SLC28A2: variants seen among roughly 807,000 people sequenced by gnomAD.
SLC28A2 encodes the protein solute carrier family 28 member 2, also known as sodium/nucleoside cotransporter 2.
A neutral mutation model predicts 72.9 loss-of-function variants in SLC28A2; 69 were observed. That is an observed-to-expected ratio of 0.95 (90% CI 0.78 to 1.16). The LOEUF (loss-of-function observed/expected upper bound fraction) is 1.16. SLC28A2 is among the 50% of genes most tolerant of loss of function. The pLI is 0.00. For missense variants in SLC28A2, 745 were observed against 791.1 expected, an observed-to-expected ratio of 0.94 and a Z score of 0.70; for synonymous variants, 296 against 294.1, an observed-to-expected ratio of 1.01 and a Z score of -0.07.
intron 17 of SLC28A2, among the ~76,000 whole-genome samples, chr15:45,273,611 T>TC (rs1900658362): frequency 6.6e-6 from 1 of 152,184 alleles, no homozygotes; most frequent in East Asian, 1.9e-4. Context: ...ACTGGCATGA[T>TC]CAACTATGCT....
chr15:45,258,160 T>C (rs1900032190), intron 3 of SLC28A2, among the ~76,000 whole-genome samples: 1 of 152,070 alleles, frequency 6.6e-6, no homozygotes, highest in East Asian at 1.9e-4. Context: ...GAGGCGGAGG[T>C]TGCAATGAGC....
chr15:45,254,028 A>G (rs1486805594), intron 3 of SLC28A2: 2 of 154,000 alleles, frequency 1.3e-5, no homozygotes, highest in Non-Finnish European at 2.9e-5. Flanking sequence ...AAGAATGAAG[A>G]AGGTACAGTC....
intron 14 of SLC28A2, among the ~76,000 whole-genome samples, 172 bp from the exon 15 acceptor site, chr15:45,270,023 C>T (rs1900496937): frequency 6.6e-6 from 1 of 152,202 alleles, no homozygotes; most frequent in South Asian, 2.1e-4. Context: ...GTTTCCATGT[C>T]ATTATCCCTA....
rs774505214 is a variant in SLC28A2 at position 45,267,526 on chromosome 15, T to C, written c.1014T>C (p.Thr338=). 6.2e-7 allele frequency: 1 copy of C among 1,614,142 alleles called. No homozygotes were observed. The highest frequency in any genetic ancestry group is 1.1e-5 in the South Asian group (1 of 91,090). Residue 338 remains threonine, a synonymous_variant, in exon 11 of 18, where the codon ACT becomes ACC. Coordinates refer to ENST00000347644, the MANE Select transcript of SLC28A2 (RefSeq NM_004212.4). ...TCTCTGAAATCCATGCGGTGATGAC[T>C]GGAGGGTTTGCCACCATTTCTGGCA... The part of the protein sequence containing the change: ...MTLSEIHAVM[T]GGFATISGTV...
intron 17 of SLC28A2, 50 bp from the exon 18 acceptor site, chr15:45,275,346 G>A: frequency 2.8e-6 from 3 of 1,068,852 alleles, no homozygotes; most frequent in Middle Eastern, 4.1e-4. Flanking sequence ...ATGTTTTGTT[G>A]CTTTGTTCCT....
At chr15:45,265,250 A>G in intron 8 of SLC28A2, 84 bp downstream of exon 8, 2 of 977,008 alleles carry the variant, frequency 2.0e-6, no homozygotes, top group Non-Finnish European at 3.3e-6. Flanking sequence ...TGTCCAAGAG[A>G]TCAGCGCCCC....
chr15:45,260,724 A>G (rs1282299463), intron 3 of SLC28A2, among the ~76,000 whole-genome samples: 1 of 152,116 alleles, frequency 6.6e-6, no homozygotes, highest in East Asian at 1.9e-4. Flanking sequence ...ATCATGCCAT[A>G]CCACTGCACT....
chr15:45,263,894 G>A lies in SLC28A2; in HGVS notation c.460G>A (p.Val154Ile), dbSNP rs368625329. 5 of 1,609,736 alleles carry A rather than the reference G, an allele frequency of 3.1e-6. No homozygotes were observed. Among genetic ancestry groups the A allele is most frequent in the Non-Finnish European group, 4.2e-6 (5 of 1,177,896 alleles). ...TTCCTTCTTCAGGGTGTTTGCAGGA[G>A]TCTCCTTGGTTGGCCTTATACTGTG... is the stretch of plus-strand genomic sequence containing the variant. ...RLWTKWVFAG[V>I]SLVGLILWLA... The change falls in exon 6 of 18, where the codon GTC becomes ATC. Residue 154 changes from valine to isoleucine, a missense_variant. Val to Ile is a conservative substitution (Grantham distance 29, BLOSUM62 3). Coordinates refer to ENST00000347644, the MANE Select transcript of SLC28A2 (RefSeq NM_004212.4).
intron 3 of SLC28A2, among the ~76,000 whole-genome samples, chr15:45,261,760 T>C (rs182638882): frequency 1.3e-5 from 2 of 152,322 alleles, no homozygotes; most frequent in East Asian, 3.9e-4. Flanking sequence ...CAGTACCCAC[T>C]TCTATGGTAG....
chr15:45,265,762 C>A, intron 9 of SLC28A2, 99 bp downstream of exon 9: 1 of 865,904 alleles, frequency 1.2e-6, no homozygotes, highest in Non-Finnish European at 2.0e-6. Context: ...GTGTTAGAAA[C>A]AATGGGAAAA....
chr15:45,268,474 C>T lies in SLC28A2; in HGVS notation c.1368+96C>T, dbSNP rs532624009. The stretch of plus-strand genomic sequence containing the variant: ...AATCAAAACCACAATGAGATACCAT[C>T]TCACACCAGTTAGAATGGCAATCAT... On this transcript the variant is annotated intron_variant, in intron 13 of 17. Coordinates refer to ENST00000347644, the MANE Select transcript of SLC28A2 (RefSeq NM_004212.4). The T allele has an allele frequency of 1.0e-4, 102 of 1,013,388 alleles. No individual in the cohort carries two copies. In the African/African-American group the frequency reaches 1.5e-3, roughly 15 times the overall value. The allele number at this position is 1,013,388 out of a possible 1,614,324, so 62.8% of individuals were successfully genotyped here.
intron 7 of SLC28A2, 23 bp from the exon 8 acceptor site, chr15:45,265,066 T>C (rs1567059488): frequency 6.4e-7 from 1 of 1,571,000 alleles, no homozygotes; most frequent in Non-Finnish European, 8.8e-7. Flanking sequence ...TTATTCTCTG[T>C]CTTTTTCTTT....
intron 16 of SLC28A2, 112 bp from the exon 17 acceptor site, chr15:45,272,561 A>G (rs1009546644): frequency 1.2e-5 from 10 of 828,164 alleles, no homozygotes; most frequent in African/African-American, 1.7e-5. Flanking sequence ...TTCCACAGAT[A>G]CATGGCAAAG....
At chr15:45,259,588 T>TTTTGCCTATATAC (rs1900085580) in intron 3 of SLC28A2, among the ~76,000 whole-genome samples, 1 of 152,232 alleles carries the variant, frequency 6.6e-6, no homozygotes, top group Non-Finnish European at 1.5e-5. Context: ...GGCAAATCAT[T>TTTTGCCTATATAC]TTTATGAGTT....
chr15:45,265,995 C>G, intron 9 of SLC28A2, 86 bp from the exon 10 acceptor site: 1 of 977,824 alleles, frequency 1.0e-6, no homozygotes, highest in Non-Finnish European at 1.6e-6. Flanking sequence ...GTTTCCTTAT[C>G]AGTAAAGTGG....
chr15:45,276,054 T>TA lies in SLC28A2; in HGVS notation c.*541_*542insA, dbSNP rs1900747181. The TA allele has an allele frequency of 6.6e-6, 1 of 152,402 alleles. No individual in the cohort carries two copies. Among genetic ancestry groups the TA allele is most frequent in the South Asian group, 2.1e-4 (1 of 4,850 alleles). 9.4% of individuals were successfully genotyped at this position (152,402 alleles called of 1,614,324 possible). ...AATGGCATTCCTCATGGGCCCTGCC[T>TA]GAACTTTCATTTGAAAAAATAAGTA... On this transcript the variant is annotated 3_prime_UTR_variant, in exon 18 of 18. Transcript: ENST00000347644.
chr15:45,267,930 T>C, intron 12 of SLC28A2, 134 bp downstream of exon 12: 1 of 1,151,900 alleles, frequency 8.7e-7, no homozygotes, highest in Non-Finnish European at 1.3e-6. Context: ...TCTCTGGTGC[T>C]TGCTAATCAT....
chr15:45,271,908 C>T (rs1020388423), intron 15 of SLC28A2: 1 of 178,418 alleles, frequency 5.6e-6, no homozygotes, highest in East Asian at 1.7e-4. Flanking sequence ...TTTCCTTAGC[C>T]CTCTGTCTCA....
chr15:45,256,192 T>C (rs1190494056), intron 3 of SLC28A2, among the ~76,000 whole-genome samples: 1 of 152,216 alleles, frequency 6.6e-6, no homozygotes, highest in Non-Finnish European at 1.5e-5. Context: ...CTTAAAGTTC[T>C]AACTTGCATT....
Sources: gnomAD v4.1 joint callset for allele counts (sites outside exome capture counted in the v4.1 genomes callset) on GRCh38, gnomAD v4.1.1 for gene constraint, MANE v1.5 for transcripts, NCBI Gene and HGNC (gene_info 2026-07-23, HGNC 2026-07-21) for gene names.